KIF1A: variants seen among roughly 807,000 people sequenced by gnomAD.
The protein encoded by KIF1A is kinesin family member 1A.
In KIF1A, 46 loss-of-function variants were observed where a neutral mutation model predicts 227.3. The ratio of observed to expected loss-of-function variants is 0.20; its 90% CI spans 0.16 to 0.26. KIF1A has a LOEUF of 0.26. Ranked by LOEUF, KIF1A falls within the 10% of genes least tolerant of loss-of-function variation. The pLI, the probability that KIF1A is intolerant of heterozygous loss-of-function variation, is 1.00. For missense variants in KIF1A, 1,683 were observed against 2,485.9 expected, an observed-to-expected ratio of 0.68 and a Z score of 6.87; for synonymous variants, 1,022 against 1,012.8, an observed-to-expected ratio of 1.01 and a Z score of -0.17.
intron 1 of KIF1A, among the ~76,000 whole-genome samples, chr2:240,813,465 C>T (rs2058105136): frequency 6.6e-6 from 1 of 152,202 alleles, no homozygotes; most frequent in Non-Finnish European, 1.5e-5. Flanking sequence ...TGGAAGCCCG[C>T]ACCCCCAGCC....
chr2:240,750,925 C>A (rs892893247), intron 27 of KIF1A, among the ~76,000 whole-genome samples: 2 of 152,194 alleles, frequency 1.3e-5, no homozygotes, highest in Non-Finnish European at 2.9e-5. Flanking sequence ...TTCACACTGG[C>A]ACTGATGGCC....
At position 240,768,836 on chromosome 2, in the gene KIF1A, G is replaced by A. The variant is rs141372049; in HGVS notation, c.1497+297C>T. Among the ~76,000 whole-genome samples, 1,109 of 152,286 alleles carry A rather than the reference G, an allele frequency of 7.3e-3. 3 individuals carry two copies. The highest frequency in any genetic ancestry group is 0.014 in the Middle Eastern group (4 of 294). On this transcript the variant is annotated intron_variant, in intron 17 of 48. Transcript: ENST00000498729. ...CCCTCGTGTCTCAGTCTCCAGCCTG[G>A]GTGTTGGCTCCTCAGCCTTGCTCTG...
At chr2:240,809,368 G>A (rs554684954) in intron 1 of KIF1A, among the ~76,000 whole-genome samples, 2 of 152,284 alleles carry the variant, frequency 1.3e-5, no homozygotes, top group South Asian at 4.1e-4. Context: ...GCATGAAGTC[G>A]GGCTGTGCTG....
intron 20 of KIF1A, among the ~76,000 whole-genome samples, chr2:240,764,914 C>T (rs1381002701): frequency 1.3e-5 from 2 of 152,186 alleles, no homozygotes; most frequent in African/African-American, 4.8e-5. Flanking sequence ...AGTTCCCAGC[C>T]TGCCCCGAGT....
At chr2:240,729,151 C>T (rs2046341477) in intron 38 of KIF1A, among the ~76,000 whole-genome samples, 2 of 152,088 alleles carry the variant, frequency 1.3e-5, no homozygotes, top group Admixed American at 1.3e-4. Context: ...CTAGCATCCT[C>T]ATTACTTCTA....
Position 240,788,037 on chromosome 2 carries a change from C to G in KIF1A, c.363+14G>C. On this transcript the variant is annotated intron_variant, in intron 4 of 48. Transcript: ENST00000498729. This position sits in a 1 kb window ranked among gnomAD's most constrained non-coding sequence, Gnocchi z 6.6. ...ATCTGCCAGGGCTGCCCCCGCCCGC[C>G]CCCCGCTTCGTGCCTGTGGGATGAT... 6.7e-7 allele frequency: 1 copy of G among 1,496,088 alleles called. No individual in the cohort carries two copies. Among genetic ancestry groups the G allele is most frequent in the Non-Finnish European group, 9.1e-7 (1 of 1,099,034 alleles). The allele number at this position is 1,496,088 out of a possible 1,614,324, so 92.7% of individuals were successfully genotyped here. A position where few individuals can be genotyped will look rare whatever the true frequency, so the allele number is the denominator to read the frequency against.
Position 240,744,044 on chromosome 2 carries a change from G to A in KIF1A, c.3482C>T (p.Thr1161Ile). The part of the protein sequence containing the change: ...YHVQNIAVEV[T>I]KSFIEYIKSQ... ...CTTGATGTACTCAATGAAGGACTTG[G>A]TCACCTCCACTGCGATCTGGTGGGC... Residue 1161 changes from threonine (T) to isoleucine (I), a missense_variant, in exon 33 of 49, where the codon ACC becomes ATC. By Grantham distance (89) the Thr-to-Ile change is moderately conservative. Coordinates refer to ENST00000498729, the MANE Select transcript of KIF1A (RefSeq NM_001244008.2). 1 of 1,613,326 alleles carries A rather than the reference G, an allele frequency of 6.2e-7. No homozygotes were observed.
intron 17 of KIF1A, 32 bp from the exon 18 acceptor site, chr2:240,767,377 C>T: frequency 6.3e-7 from 1 of 1,575,104 alleles, no homozygotes; most frequent in Non-Finnish European, 8.7e-7. Context: ...ATCTCTCTTG[C>T]AGAGGGGCAG....
intron 6 of KIF1A, among the ~76,000 whole-genome samples, chr2:240,785,824 C>G (rs1049715165): frequency 5.3e-5 from 8 of 152,200 alleles, no homozygotes; most frequent in Admixed American, 5.2e-4. Flanking sequence ...TGACAAGGGC[C>G]ATCACCTCAC....
At chr2:240,810,555 G>A (rs2057787459) in intron 1 of KIF1A, among the ~76,000 whole-genome samples, 1 of 152,222 alleles carries the variant, frequency 6.6e-6, no homozygotes, top group Admixed American at 6.5e-5. Context: ...AACTCTGCAA[G>A]TAGAGATGCT....
At chr2:240,777,075 C>T (rs2052841016) in intron 10 of KIF1A, among the ~76,000 whole-genome samples, 1 of 152,162 alleles carries the variant, frequency 6.6e-6, no homozygotes, top group Non-Finnish European at 1.5e-5. Flanking sequence ...GACAGAGTCT[C>T]CCTCTGTCAC....
chr2:240,761,502 G>T, intron 23 of KIF1A, 125 bp from the exon 24 acceptor site: 1 of 826,058 alleles, frequency 1.2e-6, no homozygotes, highest in Non-Finnish European at 1.7e-6. Flanking sequence ...CCTGTGCTCT[G>T]TGTACATCAC....
intron 38 of KIF1A, chr2:240,734,609 G>C: frequency 1.5e-6 from 1 of 672,130 alleles, no homozygotes; most frequent in South Asian, 1.5e-5. Context: ...AGGAGTCCAG[G>C]AAGCTGGAAG....
intron 17 of KIF1A, among the ~76,000 whole-genome samples, chr2:240,768,496 G>A (rs28629880): frequency 0.068 from 10,422 of 152,308 alleles, 419 homozygotes; most frequent in African/African-American, 0.12. Flanking sequence ...TCTTTGGGGT[G>A]GGTGTGTGGG....
chr2:240,786,659 G>T, intron 5 of KIF1A, 146 bp from the exon 6 acceptor site: 1 of 510,784 alleles, frequency 2.0e-6, no homozygotes, highest in Non-Finnish European at 3.1e-6. Context: ...CCTGAGTGAG[G>T]GGGTGGGGGC....
At chr2:240,741,861 C>T (rs1027322014) in intron 34 of KIF1A, among the ~76,000 whole-genome samples, 1 of 152,240 alleles carries the variant, frequency 6.6e-6, no homozygotes, top group African/African-American at 2.4e-5. Context: ...CTCCCACTGA[C>T]CCTCCACTCG....
upstream of KIF1A, among the ~76,000 whole-genome samples, chr2:240,820,742 G>T (rs75259780): frequency 0.39 from 59,370 of 151,590 alleles, 12,438 homozygotes; most frequent in Admixed American, 0.56. The surrounding 1 kb of genome is among the most constrained non-coding windows in gnomAD (Gnocchi z 6.2). Flanking sequence ...GGTGCGCGGT[G>T]AAATCGCATC....
chr2:240,811,806 G>A (rs1427803132), intron 1 of KIF1A, among the ~76,000 whole-genome samples: 1 of 152,196 alleles, frequency 6.6e-6, no homozygotes, highest in South Asian at 2.1e-4. Flanking sequence ...AGAAGCTGGT[G>A]GTGGCAGGGT....
chr2:240,786,837 G>GCCATCAGGAC (rs2055000370), intron 5 of KIF1A, among the ~76,000 whole-genome samples: 1 of 57,314 alleles, frequency 1.7e-5, no homozygotes, highest in African/African-American at 7.2e-5. Context: ...GGTGGGGGCT[G>GCCATCAGGAC]CCTGCTGAGC....
Sources: gnomAD v4.1 joint callset for allele counts (sites outside exome capture counted in the v4.1 genomes callset) on GRCh38, gnomAD v4.1.1 for gene constraint, Gnocchi (gnomAD v3.1) non-coding constraint, MANE v1.5 for transcripts, NCBI Gene and HGNC (gene_info 2026-07-23, HGNC 2026-07-21) for gene names.